PIP4K2A: variants seen among roughly 807,000 people sequenced by gnomAD.
The protein encoded by PIP4K2A is phosphatidylinositol 5-phosphate 4-kinase type-2 alpha.
A neutral mutation model predicts 42.9 loss-of-function variants in PIP4K2A; 14 were observed. That is an observed-to-expected ratio of 0.33 (90% confidence interval 0.22 to 0.51). The LOEUF is 0.51. PIP4K2A is among the 20% of genes least tolerant of loss of function. The pLI is 0.97. For missense variants in PIP4K2A, 434 were observed against 519.8 expected, an observed-to-expected ratio of 0.83 and a Z score of 1.61; for synonymous variants, 192 against 192.2, an observed-to-expected ratio of 1.00 and a Z score of 0.01.
intron 9 of PIP4K2A, among the ~76,000 whole-genome samples, chr10:22,538,983 A>G (rs1414185865): frequency 6.6e-6 from 1 of 152,340 alleles, no homozygotes; most frequent in South Asian, 2.1e-4. Context: ...TTAGTTCTAC[A>G]CAGTCTGTGG....
At chr10:22,633,840 G>A (rs986395107) in intron 1 of PIP4K2A, among the ~76,000 whole-genome samples, 3 of 152,176 alleles carry the variant, frequency 2.0e-5, no homozygotes, top group Non-Finnish European at 4.4e-5. Flanking sequence ...GGCCAAGCAA[G>A]CGAATTCACA....
intron 6 of PIP4K2A, among the ~76,000 whole-genome samples, chr10:22,560,178 G>A (rs1324574449): frequency 2.0e-5 from 3 of 152,130 alleles, no homozygotes; most frequent in Admixed American, 1.3e-4. Flanking sequence ...TACAGAAGGC[G>A]GTTAAAGCAT....
At chr10:22,685,123 T>C (rs139549215) in intron 1 of PIP4K2A, among the ~76,000 whole-genome samples, 21 of 152,270 alleles carry the variant, frequency 1.4e-4, no homozygotes, top group African/African-American at 3.9e-4. Context: ...ATTCTGAAAA[T>C]GGTTCTGCTT....
In PIP4K2A at chr10:22,612,297, A is replaced by C. The variant is rs558056217; in HGVS notation, c.145-2580T>G. 1.9e-4 allele frequency among the ~76,000 whole-genome samples: 29 copies of C among 152,338 alleles called. No homozygotes were observed. In the South Asian group the frequency reaches 5.8e-3, roughly 30 times the overall value. ...CCAAGTGTTGAACTCTAACAATGACAGAGTCAGGAGGGAGAAGCACAATGG... is the reference window on the plus strand; with the variant it reads ...CCAAGTGTTGAACTCTAACAATGACCGAGTCAGGAGGGAGAAGCACAATGG... On this transcript the variant is annotated intron_variant, in intron 1 of 9. Transcript: ENST00000376573.
chr10:22,556,956 G>C (rs1485805150), intron 6 of PIP4K2A, among the ~76,000 whole-genome samples: 1 of 152,148 alleles, frequency 6.6e-6, no homozygotes, highest in Non-Finnish European at 1.5e-5. Flanking sequence ...AAAATAGTTT[G>C]TGTGTCATTA....
rs149152390 is a variant in PIP4K2A at position 22,565,908 on chromosome 10, G to A, written c.678+1943C>T. ...GAAATAGACTTCAGTCTCCCATAGCGCTCCCAGGCTTATTAGGAAGAGGAA... is the reference window on the plus strand; with the variant it reads ...GAAATAGACTTCAGTCTCCCATAGCACTCCCAGGCTTATTAGGAAGAGGAA... On this transcript the variant is annotated intron_variant, in intron 6 of 9. Coordinates refer to ENST00000376573, the MANE Select transcript of PIP4K2A (RefSeq NM_005028.5). Among the ~76,000 whole-genome samples, 424 of 152,180 alleles carry A rather than the reference G, an allele frequency of 2.8e-3. 2 individuals carry two copies. Among genetic ancestry groups the A allele is most frequent in the African/African-American group, 8.6e-3 (359 of 41,512 alleles).
At chr10:22,581,170 C>T (rs182882870) in intron 4 of PIP4K2A, among the ~76,000 whole-genome samples, 49 of 152,304 alleles carry the variant, frequency 3.2e-4, no homozygotes, top group African/African-American at 1.1e-3. Context: ...CTGAGGCATT[C>T]CTCCTGGTGG....
rs1315603990 is a variant in PIP4K2A, at chr10:22,676,636, G to A, written c.144+37547C>T. Reference sequence around the variant, plus strand: ...GGCTCAGTGATGGGCTGATAAGGGAGACCTTTCATAGGCTCTTCCTGCTGA... The same window carrying A: ...GGCTCAGTGATGGGCTGATAAGGGAAACCTTTCATAGGCTCTTCCTGCTGA... On this transcript the variant is annotated intron_variant, in intron 1 of 9. Coordinates refer to ENST00000376573, the MANE Select transcript of PIP4K2A (RefSeq NM_005028.5). Among the ~76,000 whole-genome samples the A allele has an allele frequency of 2.0e-5, 3 of 152,152 alleles. No individual in the cohort carries two copies. The East Asian group carries it at 5.8e-4, about 29-fold the overall frequency.
chr10:22,641,112 T>C (rs1174833926), intron 1 of PIP4K2A, among the ~76,000 whole-genome samples: 1 of 152,224 alleles, frequency 6.6e-6, no homozygotes, highest in Non-Finnish European at 1.5e-5. Flanking sequence ...GTAGAGTCTA[T>C]TATATCCTAT....
chr10:22,611,228 A>G (rs1320083014), intron 1 of PIP4K2A, among the ~76,000 whole-genome samples: 1 of 152,120 alleles, frequency 6.6e-6, no homozygotes, highest in Non-Finnish European at 1.5e-5. Context: ...AACAAATAAA[A>G]AAATAACAAA....
At chr10:22,544,274 T>C (rs1836205258) in intron 7 of PIP4K2A, among the ~76,000 whole-genome samples, 2 of 151,106 alleles carry the variant, frequency 1.3e-5, no homozygotes, top group African/African-American at 4.9e-5. Flanking sequence ...TGAAAAATAC[T>C]GCATTGTAAG....
At chr10:22,689,799 G>A (rs1432566404) in intron 1 of PIP4K2A, among the ~76,000 whole-genome samples, 1 of 152,174 alleles carries the variant, frequency 6.6e-6, no homozygotes, top group African/African-American at 2.4e-5. Flanking sequence ...ACCAACCATA[G>A]CATAATCACT....
intron 6 of PIP4K2A, among the ~76,000 whole-genome samples, chr10:22,559,420 G>A (rs1245675642): frequency 6.6e-6 from 1 of 152,126 alleles, no homozygotes; most frequent in Non-Finnish European, 1.5e-5. Context: ...AGGCAAATGA[G>A]AGCTGATGAA....
At chr10:22,640,014 C>CTTTTTTT (rs71395806) in intron 1 of PIP4K2A, among the ~76,000 whole-genome samples, 1 of 92,354 alleles carries the variant, frequency 1.1e-5, no homozygotes, top group African/African-American at 4.1e-5. Context: ...GATGTGTTGT[C>CTTTTTTT]TTTTTTTTTT....
chr10:22,591,722 A>C lies in PIP4K2A; in HGVS notation c.399T>G (p.Arg133=). The C allele has an allele frequency of 1.2e-6, 2 of 1,613,614 alleles. No individual in the cohort carries two copies. Among genetic ancestry groups the C allele is most frequent in the Non-Finnish European group, 1.7e-6 (2 of 1,179,746 alleles). ...PNDSQARSGA[R]FHTSYDKRYI... Reference sequence around the variant, plus strand: ...ATCTTTTGTCGTAGGAAGTGTGAAAACGAGCTCCACTGCGGGCCTGGGAGT... The same window carrying C: ...ATCTTTTGTCGTAGGAAGTGTGAAACCGAGCTCCACTGCGGGCCTGGGAGT... The change falls in exon 4 of 10, where the codon CGT becomes CGG. Residue 133 remains arginine (R), a synonymous_variant. Transcript: ENST00000376573.
At chr10:22,666,219 T>C (rs972082818) in intron 1 of PIP4K2A, among the ~76,000 whole-genome samples, 2 of 152,186 alleles carry the variant, frequency 1.3e-5, no homozygotes, top group Non-Finnish European at 2.9e-5. Context: ...AAAGAATACA[T>C]TACACAAATT....
intron 6 of PIP4K2A, among the ~76,000 whole-genome samples, chr10:22,555,669 T>C (rs553568796): frequency 1.1e-4 from 16 of 152,228 alleles, no homozygotes; most frequent in African/African-American, 2.4e-4. Context: ...ACAAAGCACA[T>C]AGTGCCTGGC....
At chr10:22,674,415 C>CA (rs1002492534) in intron 1 of PIP4K2A, among the ~76,000 whole-genome samples, 4,204 of 60,582 alleles carry the variant, frequency 0.069, 246 homozygotes, top group African/African-American at 0.14. Context: ...CACTTGGGAG[C>CA]AAAAAAAAAA....
intron 1 of PIP4K2A, among the ~76,000 whole-genome samples, chr10:22,700,996 T>A (rs1224527067): frequency 2.0e-5 from 3 of 152,198 alleles, no homozygotes; most frequent in African/African-American, 7.2e-5. Context: ...TCCCTGGAAA[T>A]GCCACATACC....
Sources: allele counts gnomAD v4.1 joint callset (sites outside exome capture counted in the v4.1 genomes callset), GRCh38; gene constraint gnomAD v4.1.1; transcripts MANE v1.5; gene names NCBI Gene and HGNC (gene_info 2026-07-23, HGNC 2026-07-21).